The following PARD3B variants were observed in gnomAD, a reference collection of about 807,000 sequenced individuals.
PARD3B encodes par-3 family cell polarity regulator beta, also known as partitioning defective 3 homolog B.
Under a neutral mutation model 130.2 loss-of-function variants are expected in PARD3B, and 103 were observed. That is an observed-to-expected ratio of 0.79 (90% CI 0.67 to 0.93). The LOEUF is 0.93. PARD3B is among the 40% of genes least tolerant of loss of function. The pLI is 0.00. For synonymous variants in PARD3B, 583 were observed against 553.2 expected (o/e 1.05, Z -0.76); for missense variants, 1,609 against 1,499.2 (o/e 1.07, Z -1.21).
chr2:204,954,703 AG>A (rs1362206835), intron 2 of PARD3B, among the ~76,000 whole-genome samples: 3 of 152,210 alleles, frequency 2.0e-5, no homozygotes, highest in Non-Finnish European at 2.9e-5. Context: ...GCCAGGAGAC[AG>A]GTATGCCCAT....
In PARD3B at chr2:205,057,609, A is replaced by G. The variant is rs555222372; in HGVS notation, c.504+9919A>G. Among the ~76,000 whole-genome samples the G allele has an allele frequency of 2.7e-4, 39 of 143,322 alleles. 2 individuals are homozygous for G. The highest frequency in any genetic ancestry group is 1.1e-3 in the African/African-American group (39 of 36,254). 94.0% of individuals were successfully genotyped at this position (143,322 alleles called of 152,430 possible). ...TATACGTATATATACATATATGTGT[A>G]TGTGTATGTGTATACGTATATATAT... On this transcript the variant is annotated intron_variant, in intron 4 of 22. Transcript: ENST00000406610.
chr2:205,318,743 T>C (rs2042645107), intron 18 of PARD3B, among the ~76,000 whole-genome samples: 2 of 152,122 alleles, frequency 1.3e-5, no homozygotes. Flanking sequence ...TAAGTAATTC[T>C]CATCCCCTGG....
chr2:205,027,518 T>A (rs1027834670), intron 3 of PARD3B, among the ~76,000 whole-genome samples: 2 of 152,166 alleles, frequency 1.3e-5, no homozygotes, highest in Non-Finnish European at 2.9e-5. Flanking sequence ...GGTTGCCTTT[T>A]CATTTTGTGG....
intron 20 of PARD3B, among the ~76,000 whole-genome samples, chr2:205,465,515 G>C (rs2048591410): frequency 6.6e-6 from 1 of 152,086 alleles, no homozygotes; most frequent in Non-Finnish European, 1.5e-5. Context: ...TTTCCCCTAT[G>C]TGTGTAAAGT....
intron 22 of PARD3B, among the ~76,000 whole-genome samples, chr2:205,555,001 T>G (rs2052815302): frequency 6.6e-6 from 1 of 152,210 alleles, no homozygotes; most frequent in Admixed American, 6.5e-5. Context: ...ACAGTTACAT[T>G]TTGTTTCATT....
rs1480539066 is a variant in PARD3B, at chr2:205,383,139, G to GATAGATAGATAA, written c.2631-17872_2631-17871insAGATAGATAAAT. 1.1e-4 allele frequency among the ~76,000 whole-genome samples: 14 copies of GATAGATAGATAA among 129,868 alleles called. 1 individual carries two copies. The highest frequency in any genetic ancestry group is 2.0e-4 in the Non-Finnish European group (12 of 60,446). 85.2% of individuals were successfully genotyped at this position (129,868 alleles called of 152,430 possible). On this transcript the variant is annotated intron_variant, in intron 18 of 22. Transcript: ENST00000406610. ...AGATAGATAGATAGATAGATAGATA[G>GATAGATAGATAA]ATCGATCTAAACTATGTCTACACAT...
intron 2 of PARD3B, among the ~76,000 whole-genome samples, chr2:204,903,276 C>T (rs545385918): frequency 6.6e-6 from 1 of 152,272 alleles, no homozygotes; most frequent in East Asian, 1.9e-4. Context: ...TAAAATAGAA[C>T]TTTCTTATGA....
intron 1 of PARD3B, among the ~76,000 whole-genome samples, chr2:204,591,751 A>G (rs537901780): frequency 1.3e-5 from 2 of 152,210 alleles, no homozygotes; most frequent in African/African-American, 4.8e-5. Context: ...TGGAGTAGTA[A>G]TATCTTTTAG....
chr2:204,947,772 A>G (rs748073062), intron 2 of PARD3B, among the ~76,000 whole-genome samples: 2 of 152,202 alleles, frequency 1.3e-5, no homozygotes, highest in Non-Finnish European at 2.9e-5. Context: ...TTGTTGATTT[A>G]AAGAGATCTA....
At chr2:204,559,145 G>A (rs1489354089) in intron 1 of PARD3B, among the ~76,000 whole-genome samples, 1 of 152,180 alleles carries the variant, frequency 6.6e-6, no homozygotes, top group Non-Finnish European at 1.5e-5. Context: ...AGGACTTCAT[G>A]ACTAAAACAC....
At chr2:204,830,049 GCT>G (rs2043751475) in intron 2 of PARD3B, among the ~76,000 whole-genome samples, 1 of 150,010 alleles carries the variant, frequency 6.7e-6, no homozygotes, top group Admixed American at 6.7e-5. Flanking sequence ...CCCTTAGTGT[GCT>G]CTCTCTCCTG....
intron 20 of PARD3B, among the ~76,000 whole-genome samples, chr2:205,466,719 T>C (rs1249884064): frequency 6.6e-6 from 1 of 152,350 alleles, no homozygotes; most frequent in South Asian, 2.1e-4. Flanking sequence ...TTTTGTTTTG[T>C]TTTTGTTTTT....
At chr2:204,617,057 C>T (rs1310043667) in intron 1 of PARD3B, among the ~76,000 whole-genome samples, 3 of 152,164 alleles carry the variant, frequency 2.0e-5, no homozygotes, top group South Asian at 2.1e-4. Context: ...TTTCTCTCCA[C>T]GGCCTTCCAG....
intron 4 of PARD3B, among the ~76,000 whole-genome samples, chr2:205,089,417 C>A (rs1701963334): frequency 6.6e-6 from 1 of 152,004 alleles, no homozygotes; most frequent in Admixed American, 6.6e-5. Context: ...GTGATCCACC[C>A]ACCTTGGCCT....
intron 22 of PARD3B, among the ~76,000 whole-genome samples, chr2:205,561,283 G>A (rs759954714): frequency 3.0e-4 from 46 of 152,202 alleles, no homozygotes; most frequent in East Asian, 5.8e-4. Flanking sequence ...AGTCACTGGC[G>A]GTGACATTCA....
intron 2 of PARD3B, among the ~76,000 whole-genome samples, chr2:204,882,105 G>A (rs902882546): frequency 1.3e-5 from 2 of 152,126 alleles, no homozygotes; most frequent in Non-Finnish European, 2.9e-5. Flanking sequence ...GGAGCACAAA[G>A]CTATAAACTG....
intron 10 of PARD3B, among the ~76,000 whole-genome samples, chr2:205,140,173 CT>C (rs756932814): frequency 6.6e-6 from 1 of 152,204 alleles, no homozygotes; most frequent in Non-Finnish European, 1.5e-5. Context: ...TGAAAGGCCC[CT>C]CGCTGTGTTA....
intron 1 of PARD3B, among the ~76,000 whole-genome samples, chr2:204,670,216 A>C (rs2036236596): frequency 6.6e-6 from 1 of 152,206 alleles, no homozygotes. Context: ...AAGATCTAGA[A>C]AGTAAATATT....
chr2:204,583,622 T>TAAAAA (rs1183973275), intron 1 of PARD3B, among the ~76,000 whole-genome samples: 2 of 70,740 alleles, frequency 2.8e-5, no homozygotes, highest in African/African-American at 4.6e-5. Flanking sequence ...ACTTAAAGTA[T>TAAAAA]AAAAAAAAAA....
Sources: allele counts gnomAD v4.1 joint callset (sites outside exome capture counted in the v4.1 genomes callset), GRCh38; gene constraint gnomAD v4.1.1; transcripts MANE v1.5; gene names NCBI Gene and HGNC (gene_info 2026-07-23, HGNC 2026-07-21).